SPAG6: variants seen among roughly 807,000 people sequenced by gnomAD.
The protein encoded by SPAG6 is sperm associated antigen 6.
Under a neutral mutation model 58.5 loss-of-function variants are expected in SPAG6, and 49 were observed. The ratio of observed to expected loss-of-function variants is 0.84; its 90% CI spans 0.67 to 1.06. SPAG6 has a LOEUF of 1.06. SPAG6 is among the 50% of genes least tolerant of loss of function. The probability of loss-of-function intolerance (pLI) is 0.00; values close to 1 mark genes in which losing one functional copy is unlikely to be tolerated. For synonymous variants in SPAG6, 233 were observed against 225.6 expected, an observed-to-expected ratio of 1.03 and a Z score of -0.29; for missense variants, 560 against 611.3, an observed-to-expected ratio of 0.92 and a Z score of 0.89.
intron 8 of SPAG6, among the ~76,000 whole-genome samples, chr10:22,396,114 C>T (rs1043430898): frequency 3.9e-5 from 6 of 151,988 alleles, no homozygotes; most frequent in Non-Finnish European, 8.8e-5. Context: ...AGAGAGGGAG[C>T]GAAGGGGGAG....
rs1836496463 is a variant in SPAG6, at chr10:22,345,601, G to A, written c.-11G>A. On this transcript the variant is annotated 5_prime_UTR_variant, in exon 1 of 11. Coordinates refer to ENST00000376624, the MANE Select transcript of SPAG6 (RefSeq NM_012443.4). The surrounding 1 kb of genome is among the most constrained non-coding windows in gnomAD (Gnocchi z 6.3). ...CAGAGCTCGAGGAGGGCAGACGGCG[G>A]CGGGGGCGCCATGAGTCAGAGGCAG... 1 of 1,529,528 alleles carries A rather than the reference G, an allele frequency of 6.5e-7. No homozygotes were observed. Among genetic ancestry groups the A allele is most frequent in the African/African-American group, 1.4e-5 (1 of 71,576 alleles). The allele number at this position is 1,529,528 out of a possible 1,614,324, so 94.7% of individuals were successfully genotyped here. A position where few individuals can be genotyped will look rare whatever the true frequency, so the allele number is the denominator to read the frequency against.
chr10:22,412,332 A>G, intron 10 of SPAG6: 1 of 586,892 alleles, frequency 1.7e-6, no homozygotes, highest in South Asian at 2.2e-5. Context: ...ATGTCTGTTA[A>G]TTCTTCCTGT....
intron 4 of SPAG6, among the ~76,000 whole-genome samples, chr10:22,370,049 T>C (rs1833647217): frequency 6.6e-6 from 1 of 152,186 alleles, no homozygotes; most frequent in African/African-American, 2.4e-5. Context: ...TAATGAAATC[T>C]GAGGCAACAA....
rs1438888044 is a variant in SPAG6 at position 22,417,183 on chromosome 10, G to A, written c.*495G>A. 1.3e-5 allele frequency: 2 copies of A among 152,274 alleles called. No individual in the cohort carries two copies. Among genetic ancestry groups the A allele is most frequent in the Non-Finnish European group, 2.9e-5 (2 of 68,104 alleles). The allele number at this position is 152,274 out of a possible 1,614,324, so 9.4% of individuals were successfully genotyped here. ...AGACTCTGATGCTAGTTATATAAGTGCATTAACTTAAGACACGGACTCTGT... is the reference window on the plus strand; with the variant it reads ...AGACTCTGATGCTAGTTATATAAGTACATTAACTTAAGACACGGACTCTGT... On this transcript the variant is annotated 3_prime_UTR_variant, in exon 11 of 11. Coordinates refer to ENST00000376624, the MANE Select transcript of SPAG6 (RefSeq NM_012443.4).
chr10:22,352,873 T>G (rs967167985), intron 2 of SPAG6, among the ~76,000 whole-genome samples: 37 of 152,290 alleles, frequency 2.4e-4, no homozygotes, highest in African/African-American at 7.5e-4. Flanking sequence ...GATATGAAAT[T>G]TCAGGAAAAA....
intron 2 of SPAG6, among the ~76,000 whole-genome samples, chr10:22,347,041 G>A (rs1030445080): frequency 6.6e-6 from 1 of 151,490 alleles, no homozygotes; most frequent in African/African-American, 2.4e-5. Flanking sequence ...TTAATTGTTC[G>A]TGTGTGTGTG....
intron 10 of SPAG6, among the ~76,000 whole-genome samples, chr10:22,413,687 T>TTATATA (rs1564384057): frequency 1.5e-5 from 2 of 130,134 alleles, no homozygotes; most frequent in African/African-American, 8.9e-5. Context: ...TTCAAATTTC[T>TTATATA]GATATATATA....
Position 22,373,471 on chromosome 10 carries a change from A to G in SPAG6, c.472+4793A>G, listed in dbSNP as rs114747916. Among the ~76,000 whole-genome samples the G allele has an allele frequency of 4.6e-3, 700 of 152,370 alleles. 5 individuals are homozygous for G. The highest frequency in any genetic ancestry group is 0.016 in the African/African-American group (682 of 41,586). ...ATTAAAAAATCTCACCTACTTATTT[A>G]TGGTGAGAACACAAAATATAGTCTT... On this transcript the variant is annotated intron_variant, in intron 4 of 10. Coordinates refer to ENST00000376624, the MANE Select transcript of SPAG6 (RefSeq NM_012443.4).
intron 4 of SPAG6, among the ~76,000 whole-genome samples, chr10:22,374,942 C>T (rs1358092397): frequency 6.6e-6 from 1 of 152,098 alleles, no homozygotes; most frequent in Non-Finnish European, 1.5e-5. Context: ...AAGGAAAGTG[C>T]TTTGTCCCAC....
At chr10:22,361,005 T>C in intron 2 of SPAG6, 1 of 618,706 alleles carries the variant, frequency 1.6e-6, no homozygotes, top group South Asian at 2.0e-5. Context: ...ATGTTTAATA[T>C]GTGTAAGAGG....
chr10:22,409,198 G>T (rs1324837720), intron 9 of SPAG6, among the ~76,000 whole-genome samples: 2 of 152,296 alleles, frequency 1.3e-5, no homozygotes, highest in African/African-American at 2.4e-5. Flanking sequence ...ACTAAAAAGA[G>T]ATGATAAAGC....
intron 8 of SPAG6, among the ~76,000 whole-genome samples, chr10:22,392,856 TG>T (rs1834212735): frequency 6.6e-6 from 1 of 152,154 alleles, no homozygotes; most frequent in Admixed American, 6.5e-5. Context: ...AGTAAATTTA[TG>T]TATATTTGGT....
intron 7 of SPAG6, among the ~76,000 whole-genome samples, chr10:22,391,235 G>A (rs1334263960): frequency 3.3e-5 from 5 of 152,130 alleles, no homozygotes; most frequent in Non-Finnish European, 7.4e-5. Flanking sequence ...TTTCAGGAAA[G>A]GTGTTAGTGA....
rs1834717988 is a variant in SPAG6 at position 22,411,031 on chromosome 10, G to A, written c.1315G>A (p.Val439Met). 2 of 1,613,058 alleles carry A rather than the reference G, an allele frequency of 1.2e-6. No homozygotes were observed. The highest frequency in any genetic ancestry group is 1.7e-6 in the Non-Finnish European group (2 of 1,179,728). ...LKHVVGQFSK[V>M]LPHDSKARRL... ...CATTTTATGTGCTTCACTTTGCAAGGTGCTGCCGCATGATAGCAAAGCTCG... is the reference window on the plus strand; with the variant it reads ...CATTTTATGTGCTTCACTTTGCAAGATGCTGCCGCATGATAGCAAAGCTCG... The change falls in exon 10 of 11, where the codon GTG (valine) becomes ATG (methionine). Residue 439 changes from valine (V) to methionine (M), a missense_variant and splice_region_variant. By Grantham distance (21) the Val-to-Met change is conservative. Transcript: ENST00000376624.
Position 22,417,320 on chromosome 10 carries a change from G to C in SPAG6, c.*632G>C, listed in dbSNP as rs548080181. ...CTAAAGTGTTCCTTACCTTTCATGG[G>C]CCCAGCGAGGGTAGAATTCAGAATA... On this transcript the variant is annotated 3_prime_UTR_variant, in exon 11 of 11. Coordinates refer to ENST00000376624, the MANE Select transcript of SPAG6 (RefSeq NM_012443.4). 6.6e-6 allele frequency: 1 copy of C among 152,244 alleles called. No homozygotes were observed. The highest frequency in any genetic ancestry group is 1.5e-5 in the Non-Finnish European group (1 of 68,056). 9.4% of individuals were successfully genotyped at this position (152,244 alleles called of 1,614,324 possible).
rs760281374 is a variant in SPAG6 at position 22,368,608 on chromosome 10, G to C, written c.402G>C (p.Leu134Phe). The C allele has an allele frequency of 3.1e-6, 5 of 1,613,802 alleles. No individual in the cohort carries two copies. The African/African-American group carries it at 4.0e-5, about 13-fold the overall frequency. The change falls in exon 4 of 11, where the codon TTG becomes TTC. Residue 134 changes from leucine to phenylalanine, a missense_variant. Leu to Phe is a conservative substitution (Grantham distance 22). Coordinates refer to ENST00000376624, the MANE Select transcript of SPAG6 (RefSeq NM_012443.4). ...CACTGGATACGCTGGTCATATGCTT[G>C]GAAGATTTTGACCCTGGAGTCAAGG... ...CGALDTLVIC[L>F]EDFDPGVKEA...
chr10:22,402,950 A>G (rs1231033929), intron 9 of SPAG6, among the ~76,000 whole-genome samples: 2 of 152,132 alleles, frequency 1.3e-5, no homozygotes, highest in African/African-American at 4.8e-5. Flanking sequence ...CTTTTAGGCT[A>G]GTGAGTGAGA....
At chr10:22,350,733 A>G (rs1564359145) in intron 2 of SPAG6, among the ~76,000 whole-genome samples, 1 of 152,118 alleles carries the variant, frequency 6.6e-6, no homozygotes, top group South Asian at 2.1e-4. Context: ...AGTAAATTAA[A>G]TCTCTTGGTT....
intron 2 of SPAG6, among the ~76,000 whole-genome samples, chr10:22,360,243 T>C (rs1221669400): frequency 6.6e-6 from 1 of 152,106 alleles, no homozygotes; most frequent in Non-Finnish European, 1.5e-5. Context: ...GATATCTTTT[T>C]TGAATGAATG....
Sources: gnomAD v4.1 joint callset for allele counts (sites outside exome capture counted in the v4.1 genomes callset) on GRCh38, gnomAD v4.1.1 for gene constraint, Gnocchi (gnomAD v3.1) non-coding constraint, MANE v1.5 for transcripts, NCBI Gene and HGNC (gene_info 2026-07-23, HGNC 2026-07-21) for gene names.